Variants in CC2D2A observed in about 807,000 individuals in gnomAD.
The protein encoded by CC2D2A is coiled-coil and C2 domain-containing protein 2A.
CC2D2A carries 155 observed loss-of-function variants against 212.9 expected under a neutral mutation model. That is an observed-to-expected ratio of 0.73 (90% CI 0.64 to 0.83). The LOEUF (loss-of-function observed/expected upper bound fraction) is 0.83, where lower values mean the gene tolerates loss of function less well. Ranked by LOEUF, CC2D2A falls within the 40% of genes least tolerant of loss-of-function variation. The probability of loss-of-function intolerance (pLI) is 0.00; values close to 1 mark genes in which losing one functional copy is unlikely to be tolerated. For synonymous variants in CC2D2A, 667 were observed against 686.5 expected, an observed-to-expected ratio of 0.97 and a Z score of 0.44; for missense variants, 1,856 against 1,956.2, an observed-to-expected ratio of 0.95 and a Z score of 0.97.
chr4:15,490,953 G>A (rs896149938), intron 4 of CC2D2A, among the ~76,000 whole-genome samples: 18 of 152,032 alleles, frequency 1.2e-4, no homozygotes, highest in Admixed American at 2.0e-4. Flanking sequence ...CCCCTCACAC[G>A]GACCGCCTTA....
chr4:15,552,485 AATTTTCT>A (rs1450332343), intron 18 of CC2D2A, among the ~76,000 whole-genome samples: 1 of 152,094 alleles, frequency 6.6e-6, no homozygotes, highest in Non-Finnish European at 1.5e-5. Context: ...CCAAAGCACA[AATTTTCT>A]ATATACCTTC....
chr4:15,517,354 CCT>C (rs1716943973), intron 11 of CC2D2A, among the ~76,000 whole-genome samples: 1 of 151,752 alleles, frequency 6.6e-6, no homozygotes, highest in African/African-American at 2.4e-5. Context: ...CTTCTTTTGC[CCT>C]CTCTTTTCTC....
At chr4:15,560,349 G>A (rs1339932093) in intron 22 of CC2D2A, among the ~76,000 whole-genome samples, 182 bp from the exon 23 acceptor site, 1 of 152,140 alleles carries the variant, frequency 6.6e-6, no homozygotes, top group African/African-American at 2.4e-5. Flanking sequence ...GGAGCTTACA[G>A]TCTAGTACAG....
In CC2D2A at chr4:15,499,173, G is replaced by T. The variant is rs187136710; in HGVS notation, c.248-3256G>T. Among the ~76,000 whole-genome samples, 215 of 152,270 alleles carry T rather than the reference G, an allele frequency of 1.4e-3. 1 individual carries two copies. The highest frequency in any genetic ancestry group is 2.5e-3 in the South Asian group (12 of 4,828). On this transcript the variant is annotated intron_variant, in intron 4 of 36. Coordinates refer to ENST00000424120, the MANE Select transcript of CC2D2A (RefSeq NM_001378615.1). ...GGCAGTGAGACTACTCTGTATCATT[G>T]GATCATGCTGGATATGTGTCATTAT...
At chr4:15,496,751 C>A (rs931122122) in intron 4 of CC2D2A, among the ~76,000 whole-genome samples, 5 of 152,094 alleles carry the variant, frequency 3.3e-5, no homozygotes, top group Admixed American at 2.6e-4. Context: ...AAATTAGTAG[C>A]ATTTCTACAC....
intron 4 of CC2D2A, among the ~76,000 whole-genome samples, chr4:15,498,310 G>A (rs1715733517): frequency 1.3e-5 from 2 of 152,156 alleles, no homozygotes; most frequent in South Asian, 4.1e-4. Flanking sequence ...TTAATGGAAT[G>A]TCCTAAAATT....
intron 8 of CC2D2A, among the ~76,000 whole-genome samples, chr4:15,514,175 A>G (rs1301289323): frequency 6.6e-6 from 1 of 152,234 alleles, no homozygotes; most frequent in Non-Finnish European, 1.5e-5. Flanking sequence ...CTCCATTACT[A>G]TAACTATCTT....
intron 32 of CC2D2A, among the ~76,000 whole-genome samples, chr4:15,588,451 AT>A (rs1236555367): frequency 1.3e-5 from 2 of 152,146 alleles, no homozygotes; most frequent in East Asian, 3.9e-4. Context: ...TTTTTATTAG[AT>A]TGGAGACTAT....
chr4:15,478,607 C>A, intron 2 of CC2D2A, 116 bp from the exon 3 acceptor site: 1 of 696,620 alleles, frequency 1.4e-6, no homozygotes, highest in Non-Finnish European at 2.4e-6. Flanking sequence ...CCCCAACTCA[C>A]ACTCAGCATT....
intron 1 of CC2D2A, among the ~76,000 whole-genome samples, chr4:15,475,222 C>T (rs559853192): frequency 1.2e-3 from 180 of 152,250 alleles, no homozygotes; most frequent in African/African-American, 4.0e-3. Context: ...TGCAGTGAGC[C>T]GAGATCGTGC....
intron 8 of CC2D2A, among the ~76,000 whole-genome samples, chr4:15,512,228 C>A (rs1326580590): frequency 1.3e-5 from 2 of 152,158 alleles, no homozygotes; most frequent in Non-Finnish European, 2.9e-5. Context: ...TCCAAAAACA[C>A]TGAAGACAAG....
chr4:15,532,878 A>G (rs1190401115), intron 13 of CC2D2A, among the ~76,000 whole-genome samples: 1 of 152,234 alleles, frequency 6.6e-6, no homozygotes, highest in African/African-American at 2.4e-5. Context: ...TGTGTTTATA[A>G]TAATTTAGTC....
chr4:15,537,299 G>T lies in CC2D2A; in HGVS notation c.1764+223G>T, dbSNP rs2314645. On this transcript the variant is annotated intron_variant, in intron 15 of 36. Coordinates refer to ENST00000424120, the MANE Select transcript of CC2D2A (RefSeq NM_001378615.1). ...CAGCTGACTGATACCAGAGCCAGCT[G>T]TGTCCACAGAGAATGCTATGGTAGC... Among the ~76,000 whole-genome samples, 79,633 of 151,992 alleles carry T rather than the reference G, an allele frequency of 0.52. 21,281 individuals are homozygous for T. Among genetic ancestry groups the T allele is most frequent in the Admixed American group, 0.57 (8,784 of 15,278 alleles).
At chr4:15,508,478 TAATG>T (rs1716382085) in intron 6 of CC2D2A, among the ~76,000 whole-genome samples, 2 of 152,218 alleles carry the variant, frequency 1.3e-5, no homozygotes, top group Non-Finnish European at 2.9e-5. Context: ...TGGCTACCAT[TAATG>T]CACCTGACTG....
rs754822814 is a variant in CC2D2A, at chr4:15,480,734, T to G, written c.154T>G (p.Ser52Ala). 6.2e-7 allele frequency: 1 copy of G among 1,611,900 alleles called. No individual in the cohort carries two copies. The highest frequency in any genetic ancestry group is 1.1e-5 in the South Asian group (1 of 90,490). Residue 52 changes from serine to alanine, a missense_variant, in exon 4 of 37, where the codon TCC (serine) becomes GCC (alanine). Ser to Ala is a moderately conservative substitution (Grantham distance 99, BLOSUM62 1). This residue lies in a region of CC2D2A where 1,512 missense variants were observed against 1,579.3 expected (regional missense o/e 0.96). Transcript: ENST00000424120. ...PPTAVPKEMV[S>A]EKSHLGNPQE... Reference sequence around the variant, plus strand: ...AACTGCTGTCCCCAAGGAAATGGTGTCCGAAAAATCCCACCTTGGCAACCC... The same window carrying G: ...AACTGCTGTCCCCAAGGAAATGGTGGCCGAAAAATCCCACCTTGGCAACCC...
chr4:15,478,460 T>G (rs938743465), intron 2 of CC2D2A, among the ~76,000 whole-genome samples: 3 of 152,234 alleles, frequency 2.0e-5, no homozygotes, highest in Non-Finnish European at 4.4e-5. Flanking sequence ...AAATGCTGTA[T>G]GCATGAATGA....
intron 8 of CC2D2A, among the ~76,000 whole-genome samples, chr4:15,513,058 T>C (rs910089861): frequency 2.0e-5 from 3 of 152,194 alleles, no homozygotes; most frequent in Admixed American, 6.5e-5. Flanking sequence ...ATAATTGGCA[T>C]ACTTCTGTGC....
At chr4:15,526,131 T>C (rs1027918360) in intron 11 of CC2D2A, among the ~76,000 whole-genome samples, 1 of 152,238 alleles carries the variant, frequency 6.6e-6, no homozygotes, top group East Asian at 1.9e-4. Context: ...CCAGACTTCA[T>C]GCTTTTAGAT....
intron 11 of CC2D2A, among the ~76,000 whole-genome samples, chr4:15,524,673 G>A (rs142559432): frequency 0.059 from 8,920 of 151,368 alleles, 602 homozygotes; most frequent in East Asian, 0.25. Flanking sequence ...GGATGGTCTC[G>A]ATCTCCTGAC....
Sources: allele counts gnomAD v4.1 joint callset (sites outside exome capture counted in the v4.1 genomes callset), GRCh38; gene constraint gnomAD v4.1.1; regional missense constraint gnomAD v4.1.1; transcripts MANE v1.5; gene names NCBI Gene and HGNC (gene_info 2026-07-23, HGNC 2026-07-21).